The following CFAP20DC variants were observed in gnomAD, a reference collection of about 807,000 sequenced individuals.
The protein encoded by CFAP20DC is CFAP20 domain containing, also known as protein CFAP20DC.
Under a neutral mutation model 101.7 loss-of-function variants are expected in CFAP20DC, and 84 were observed. The observed-to-expected ratio is 0.83, with a 90% CI of 0.69 to 0.99. CFAP20DC has a LOEUF of 0.99. CFAP20DC is among the 50% of genes least tolerant of loss of function. CFAP20DC has a pLI of 0.00. For synonymous variants in CFAP20DC, 359 were observed against 351.2 expected (o/e 1.02, Z -0.25); for missense variants, 1,007 against 970.3 (o/e 1.04, Z -0.50).
At chr3:58,834,062 A>G (rs1277721379) in intron 13 of CFAP20DC, among the ~76,000 whole-genome samples, 1 of 152,166 alleles carries the variant, frequency 6.6e-6, no homozygotes. Context: ...GGAAGTGACT[A>G]CTAGTGGGTG....
intron 16 of CFAP20DC, among the ~76,000 whole-genome samples, chr3:58,746,863 T>C (rs1160151625): frequency 6.6e-6 from 1 of 152,146 alleles, no homozygotes; most frequent in African/African-American, 2.4e-5. Context: ...TTTCAAAGCC[T>C]CCAACTTACA....
intron 6 of CFAP20DC, among the ~76,000 whole-genome samples, chr3:58,910,390 C>T (rs2084029843): frequency 1.3e-5 from 2 of 152,050 alleles, no homozygotes; most frequent in South Asian, 4.1e-4. Flanking sequence ...GCATATAGAA[C>T]TTTAGGTTGA....
intron 10 of CFAP20DC, 94 bp downstream of exon 10, chr3:58,867,723 G>T: frequency 2.1e-6 from 3 of 1,447,620 alleles, no homozygotes; most frequent in Non-Finnish European, 2.9e-6. Context: ...AAATGGATTG[G>T]TTCATAATCC....
At chr3:58,873,798 T>A (rs1173138068) in intron 7 of CFAP20DC, among the ~76,000 whole-genome samples, 60 of 99,110 alleles carry the variant, frequency 6.1e-4, no homozygotes, top group Non-Finnish European at 6.8e-4. Context: ...GCGTTCAAGC[T>A]GAAGTCTGGA....
At chr3:58,878,782 G>C (rs942004462) in intron 7 of CFAP20DC, among the ~76,000 whole-genome samples, 6 of 152,066 alleles carry the variant, frequency 3.9e-5, no homozygotes, top group South Asian at 2.1e-4. Context: ...GAGGCTGAGG[G>C]GGGCGGATCA....
intron 4 of CFAP20DC, among the ~76,000 whole-genome samples, chr3:59,027,047 G>C (rs779521051): frequency 1.3e-5 from 2 of 152,212 alleles, no homozygotes; most frequent in Non-Finnish European, 2.9e-5. Flanking sequence ...GTGAGGAAAC[G>C]GAAACACCAA....
At chr3:58,842,288 G>A (rs2077187337) in intron 13 of CFAP20DC, among the ~76,000 whole-genome samples, 1 of 152,198 alleles carries the variant, frequency 6.6e-6, no homozygotes, top group South Asian at 2.1e-4. Flanking sequence ...CAGACAGTGG[G>A]CGCAGGCCAG....
intron 5 of CFAP20DC, among the ~76,000 whole-genome samples, chr3:58,918,911 C>A (rs1408369473): frequency 5.3e-5 from 8 of 152,130 alleles, no homozygotes; most frequent in African/African-American, 1.9e-4. Flanking sequence ...TATAAAAGTA[C>A]CTGGGACATC....
In CFAP20DC at chr3:58,767,272, T is replaced by C. The variant is rs1364785051; in HGVS notation, c.2238-13409A>G. On this transcript the variant is annotated intron_variant, in intron 15 of 16. Coordinates refer to ENST00000482387, the MANE Select transcript of CFAP20DC (RefSeq NM_001394063.1). The stretch of plus-strand genomic sequence containing the variant: ...TCTCCCCTTGCTAAAAGCATGCTTT[T>C]GTTTCCTTACCATGTATTCAATATA... 2.0e-5 allele frequency among the ~76,000 whole-genome samples: 3 copies of C among 152,214 alleles called. No homozygotes were observed. In the East Asian group the frequency reaches 5.8e-4, roughly 29 times the overall value.
intron 13 of CFAP20DC, among the ~76,000 whole-genome samples, chr3:58,840,030 G>C (rs908094171): frequency 6.6e-6 from 1 of 152,260 alleles, no homozygotes; most frequent in East Asian, 1.9e-4. Context: ...CCAGGGTTCC[G>C]TCTGAAAAAT....
At chr3:59,049,536 TCCTCACCCCGATCACGGACTA>T in intron 1 of CFAP20DC, 54 bp downstream of exon 1, 1 of 1,360,582 alleles carries the variant, frequency 7.3e-7, no homozygotes, top group East Asian at 2.5e-5. Flanking sequence ...GTGCACTTTA[TCCTCACCCCGATCACGGACTA>T]CCTCACCCAA....
chr3:59,017,829 T>G (rs963481233), intron 4 of CFAP20DC: 2 of 152,112 alleles, frequency 1.3e-5, no homozygotes, highest in African/African-American at 4.8e-5. Flanking sequence ...ATTCGGCAGC[T>G]CAAAGCTGTC....
At chr3:58,878,526 C>A (rs886470489) in intron 7 of CFAP20DC, among the ~76,000 whole-genome samples, 1 of 151,886 alleles carries the variant, frequency 6.6e-6, no homozygotes, top group African/African-American at 2.4e-5. Context: ...TTTAGGGAAA[C>A]AAGTTTATCA....
rs778193531 is a variant in CFAP20DC at position 58,869,455 on chromosome 3, T to C, written c.888A>G (p.Ser296=). 5 of 1,612,730 alleles carry C rather than the reference T, an allele frequency of 3.1e-6. No homozygotes were observed. The African/African-American group carries it at 5.3e-5, about 17-fold the overall frequency. The change falls in exon 9 of 17, where the codon TCA becomes TCG. Residue 296 remains serine (S), a synonymous_variant. Coordinates refer to ENST00000482387, the MANE Select transcript of CFAP20DC (RefSeq NM_001394063.1). This position sits in a 1 kb window ranked among gnomAD's most constrained non-coding sequence, Gnocchi z 4.3. The part of the protein sequence containing the change: ...VRSVGSKNNR[S]CQPSTVEKCV... ...ACTTCTCTACAGTGGACGGCTGGCA[T>C]GATCGGTTATTTTTGGACCCAACGG...
chr3:58,742,283 C>T lies in CFAP20DC; in HGVS notation c.*177G>A, dbSNP rs904605587. The T allele has an allele frequency of 8.6e-5, 102 of 1,181,614 alleles. No homozygotes were observed. Among genetic ancestry groups the T allele is most frequent in the Admixed American group, 5.9e-4 (13 of 22,050 alleles). The allele number at this position is 1,181,614 out of a possible 1,614,324, so 73.2% of individuals were successfully genotyped here. Reference sequence around the variant, plus strand: ...TCAGTTTCAAAATCATACTCATCTACAAAAGGAATATAGGTATTCTTAACG... The same window carrying T: ...TCAGTTTCAAAATCATACTCATCTATAAAAGGAATATAGGTATTCTTAACG... On this transcript the variant is annotated 3_prime_UTR_variant, in exon 17 of 17. Coordinates refer to ENST00000482387, the MANE Select transcript of CFAP20DC (RefSeq NM_001394063.1).
chr3:58,892,837 G>T lies in CFAP20DC; in HGVS notation c.551-8128C>A, dbSNP rs945946314. 1.3e-5 allele frequency among the ~76,000 whole-genome samples: 2 copies of T among 152,088 alleles called. No individual in the cohort carries two copies. Among genetic ancestry groups the T allele is most frequent in the Admixed American group, 1.3e-4 (2 of 15,260 alleles). ...TACTCTTTATTTTTTTCTCTTGCCT[G>T]ATTGTCCTCGCCAGAACTTCCAATA... On this transcript the variant is annotated intron_variant, in intron 6 of 16. Transcript: ENST00000482387. The surrounding 1 kb of genome is among the most constrained non-coding windows in gnomAD (Gnocchi z 4.0).
At chr3:58,932,306 C>G (rs545339549) in intron 5 of CFAP20DC, among the ~76,000 whole-genome samples, 4 of 152,234 alleles carry the variant, frequency 2.6e-5, no homozygotes, top group African/African-American at 9.6e-5. Context: ...ATTGGTGTAC[C>G]TGAAAGTGAT....
intron 4 of CFAP20DC, among the ~76,000 whole-genome samples, chr3:59,034,653 A>C (rs2094061543): frequency 6.6e-6 from 1 of 152,212 alleles, no homozygotes; most frequent in Admixed American, 6.5e-5. Context: ...AACTACCCCA[A>C]ATATATATAC....
rs1346107119 is a variant in CFAP20DC at position 59,049,965 on chromosome 3, A to G, written c.-334T>C. ...GGGGCGCCCAGTCGCGGAGCCACAG[A>G]CAACCGCCCGCTGGCCTAGGAAAAG... On this transcript the variant is annotated 5_prime_UTR_variant, in exon 1 of 17. Coordinates refer to ENST00000482387, the MANE Select transcript of CFAP20DC (RefSeq NM_001394063.1). 6.7e-6 allele frequency: 2 copies of G among 297,466 alleles called. No homozygotes were observed. The highest frequency in any genetic ancestry group is 4.4e-5 in the African/African-American group (2 of 45,826). The allele number at this position is 297,466 out of a possible 1,614,324, so 18.4% of individuals were successfully genotyped here.
Sources: allele counts gnomAD v4.1 joint callset (sites outside exome capture counted in the v4.1 genomes callset), GRCh38; gene constraint gnomAD v4.1.1; non-coding constraint Gnocchi (gnomAD v3.1); transcripts MANE v1.5; gene names NCBI Gene and HGNC (gene_info 2026-07-23, HGNC 2026-07-21).